Variants in OR5M10 observed in about 807,000 individuals in gnomAD.
The protein encoded by OR5M10 is olfactory receptor family 5 subfamily M member 10.
For synonymous variants in OR5M10, 149 were observed against 144.8 expected, an observed-to-expected ratio of 1.03 and a Z score of -0.21; for missense variants, 387 against 376.4, an observed-to-expected ratio of 1.03 and a Z score of -0.23.
rs752695119 is a variant in OR5M10, at chr11:56,576,865, T to C, written c.857A>G (p.Asn286Ser). The change falls in exon 1 of 1, where the codon AAC becomes AGC. Residue 286 changes from asparagine to serine, a missense_variant. Coordinates refer to ENST00000526538, the MANE Select transcript of OR5M10 (RefSeq NM_001004741.1). The part of the protein sequence containing the change: ...VFYTFLSPML[N>S]PLIYSLRNRD... Reference sequence around the variant, plus strand: ...GTTCCGTAGGCTATAGATCAATGGGTTCAGCATTGGGCTCAAAAAAGTATA... The same window carrying C: ...GTTCCGTAGGCTATAGATCAATGGGCTCAGCATTGGGCTCAAAAAAGTATA... 4 of 1,613,864 alleles carry C rather than the reference T, an allele frequency of 2.5e-6. No individual in the cohort carries two copies. In the South Asian group the frequency reaches 3.3e-5, roughly 13 times the overall value.
Position 56,576,997 on chromosome 11 carries a change from G to T in OR5M10, c.725C>A (p.Ala242Asp). The T allele has an allele frequency of 6.2e-7, 1 of 1,613,824 alleles. No homozygotes were observed. The highest frequency in any genetic ancestry group is 8.5e-7 in the Non-Finnish European group (1 of 1,179,846). ...CAAAGTGACTATTGTCAGGTGGGAAGCACACGTAGAAAAGGCTTTGTGCCT... is the reference window on the plus strand; with the variant it reads ...CAAAGTGACTATTGTCAGGTGGGAATCACACGTAGAAAAGGCTTTGTGCCT... ...EGRHKAFSTCASHLTIVTLFY... is the reference protein window; with the variant it reads ...EGRHKAFSTCDSHLTIVTLFY... The change falls in exon 1 of 1, where the codon GCT (alanine) becomes GAT (aspartate). Residue 242 changes from alanine to aspartate, a missense_variant. Coordinates refer to ENST00000526538, the MANE Select transcript of OR5M10 (RefSeq NM_001004741.1).
At position 56,577,055 on chromosome 11, in the gene OR5M10, C is replaced by T; in HGVS notation, c.667G>A (p.Ala223Thr). 1 of 1,613,756 alleles carries T rather than the reference C, an allele frequency of 6.2e-7. No homozygotes were observed. Among genetic ancestry groups the T allele is most frequent in the Admixed American group, 1.7e-5 (1 of 60,010 alleles). Residue 223 changes from alanine to threonine, a missense_variant, in exon 1 of 1, where the codon GCA (alanine) becomes ACA (threonine). Transcript: ENST00000526538. ...GCAGAACGGATCCTGAAGATCGCTG[C>T]AAAAATGAAAAGATAGGACAGAAGA... ...IILLSYLFIF[A>T]AIFRIRSAEG...
Position 56,577,159 on chromosome 11 carries a change from G to A in OR5M10, c.563C>T (p.Ala188Val). 6.2e-7 allele frequency: 1 copy of A among 1,613,868 alleles called. No individual in the cohort carries two copies. Among genetic ancestry groups the A allele is most frequent in the Non-Finnish European group, 8.5e-7 (1 of 1,179,884 alleles). Residue 188 changes from alanine to valine, a missense_variant, in exon 1 of 1, where the codon GCC (alanine) becomes GTC (valine). By Grantham distance (64) the Ala-to-Val change is moderately conservative. Coordinates refer to ENST00000526538, the MANE Select transcript of OR5M10 (RefSeq NM_001004741.1). ...CTTTTTGACACGGGTGTCAGAGCAGGCCAGCATGATAAGAGGAGGATCAGC... is the reference window on the plus strand; with the variant it reads ...CTTTTTGACACGGGTGTCAGAGCAGACCAGCATGATAAGAGGAGGATCAGC... ...YCADPPLIML[A>V]CSDTRVKKMA...
At position 56,577,453 on chromosome 11, in the gene OR5M10, T is replaced by C; in HGVS notation, c.269A>G (p.Lys90Arg). The C allele has an allele frequency of 1.2e-6, 2 of 1,613,778 alleles. No individual in the cohort carries two copies. The highest frequency in any genetic ancestry group is 2.2e-5 in the East Asian group (1 of 44,880). ...GAAGCATCCAGCGTAGGAGATGGTC[T>C]TCTGTTCTGAGAGGAAATTGTGCAG... is the stretch of plus-strand genomic sequence containing the variant. ...NMLHNFLSEQ[K>R]TISYAGCFTQ... is the part of the protein sequence containing the mutation. Residue 90 changes from lysine to arginine, a missense_variant, in exon 1 of 1, where the codon AAG becomes AGG. Transcript: ENST00000526538.
At position 56,576,819 on chromosome 11, in the gene OR5M10, T is replaced by A; in HGVS notation, c.903A>T (p.Ile301=). The change falls in exon 1 of 1, where the codon ATA becomes ATT. Residue 301 remains isoleucine, a synonymous_variant. Coordinates refer to ENST00000526538, the MANE Select transcript of OR5M10 (RefSeq NM_001004741.1). ...AGGATTTTCCCCTAATCATTTGTTG[T>A]ATGGCAAGGATTACATCTCTGTTCC... is the stretch of plus-strand genomic sequence containing the variant. ...SLRNRDVILA[I]QQMIRGKSFC... 1 of 1,612,964 alleles carries A rather than the reference T, an allele frequency of 6.2e-7. No individual in the cohort carries two copies. Among genetic ancestry groups the A allele is most frequent in the African/African-American group, 1.3e-5 (1 of 74,856 alleles).
exon 1 of OR5M10, chr11:56,577,720 ATCT>A (rs1399682150): frequency 1.1e-5 from 17 of 1,608,008 alleles, no homozygotes; most frequent in Middle Eastern, 1.6e-4. Context: ...TGGGGACAAC[ATCT>A]TCTTATTTCT....
chr11:56,576,820 AT>A lies in OR5M10; in HGVS notation c.901del (p.Ile301TyrfsTer4). ...SLRNRDVILA[I>X]QQMIRGKSFC... ...GGATTTTCCCCTAATCATTTGTTGT[AT>A]GGCAAGGATTACATCTCTGTTCCGT... On this transcript the variant is annotated frameshift_variant, in exon 1 of 1. Coordinates refer to ENST00000526538, the MANE Select transcript of OR5M10 (RefSeq NM_001004741.1). LOFTEE classifies it low-confidence loss of function (END_TRUNC). The A allele has an allele frequency of 6.2e-7, 1 of 1,612,930 alleles. No homozygotes were observed. The highest frequency in any genetic ancestry group is 8.5e-7 in the Non-Finnish European group (1 of 1,179,644).
At position 56,577,457 on chromosome 11, in the gene OR5M10, G is replaced by A; in HGVS notation, c.265C>T (p.Gln89Ter). ...CATCCAGCGTAGGAGATGGTCTTCT[G>A]TTCTGAGAGGAAATTGTGCAGCATA... ...PNMLHNFLSE[Q>*]KTISYAGCFT... Residue 89 changes from glutamine (Q) to a stop codon, truncating the protein, a stop_gained, in exon 1 of 1, where the codon CAG becomes TAG. Coordinates refer to ENST00000526538, the MANE Select transcript of OR5M10 (RefSeq NM_001004741.1). LOFTEE classifies it low-confidence loss of function (END_TRUNC). 1 of 1,613,748 alleles carries A rather than the reference G, an allele frequency of 6.2e-7. No individual in the cohort carries two copies. Among genetic ancestry groups the A allele is most frequent in the Non-Finnish European group, 8.5e-7 (1 of 1,179,772 alleles).
chr11:56,577,069 T>C lies in OR5M10; in HGVS notation c.653A>G (p.Tyr218Cys), dbSNP rs569213559. 1.7e-5 allele frequency: 28 copies of C among 1,613,740 alleles called. No individual in the cohort carries two copies. In the South Asian group the frequency reaches 2.1e-4, roughly 12 times the overall value. ...SSSLFIILLSYLFIFAAIFRI... is the reference protein window; with the variant it reads ...SSSLFIILLSCLFIFAAIFRI... ...GAAGATCGCTGCAAAAATGAAAAGA[T>C]AGGACAGAAGAATGATGAAGAGAGA... is the stretch of plus-strand genomic sequence containing the variant. Residue 218 changes from tyrosine (Y) to cysteine (C), a missense_variant, in exon 1 of 1, where the codon TAT becomes TGT. Transcript: ENST00000526538.
In OR5M10 at chr11:56,577,053, T is replaced by C. The variant is rs1296828856; in HGVS notation, c.669A>G (p.Ala223=). ...IILLSYLFIF[A]AIFRIRSAEG... Reference sequence around the variant, plus strand: ...CAGCAGAACGGATCCTGAAGATCGCTGCAAAAATGAAAAGATAGGACAGAA... The same window carrying C: ...CAGCAGAACGGATCCTGAAGATCGCCGCAAAAATGAAAAGATAGGACAGAA... The change falls in exon 1 of 1, where the codon GCA becomes GCG. Residue 223 remains alanine, a synonymous_variant. Transcript: ENST00000526538. 1.9e-6 allele frequency: 3 copies of C among 1,613,682 alleles called. No homozygotes were observed. The highest frequency in any genetic ancestry group is 4.5e-5 in the East Asian group (2 of 44,892).
In OR5M10 at chr11:56,577,569, G is replaced by T. The variant is rs1449820587; in HGVS notation, c.153C>A (p.Thr51=). The T allele has an allele frequency of 3.7e-6, 6 of 1,613,680 alleles. No homozygotes were observed. In the Admixed American group the frequency reaches 8.3e-5, roughly 22 times the overall value. Reference sequence around the variant, plus strand: ...ACATGGGTGTTTGCAGTTGGGAATTGGTCCTGATCAGCAGGATCATGCACA... The same window carrying T: ...ACATGGGTGTTTGCAGTTGGGAATTTGTCCTGATCAGCAGGATCATGCACA... ...GNLCMILLIR[T]NSQLQTPMYF... is the part of the protein sequence containing the mutation. Residue 51 remains threonine, a synonymous_variant, in exon 1 of 1, where the codon ACC becomes ACA. Transcript: ENST00000526538.
chr11:56,577,598 T>C lies in OR5M10; in HGVS notation c.124A>G (p.Asn42Asp), dbSNP rs948815385. The stretch of plus-strand genomic sequence containing the variant: ...CTGATCAGCAGGATCATGCACAGGT[T>C]GCCTGCCAGTGTGATTAGGTAGATC... ...LAIYLITLAGNLCMILLIRTN... is the reference protein window; with the variant it reads ...LAIYLITLAGDLCMILLIRTN... The change falls in exon 1 of 1, where the codon AAC becomes GAC. Residue 42 changes from asparagine to aspartate, a missense_variant. By Grantham distance (23) the Asn-to-Asp change is conservative. Coordinates refer to ENST00000526538, the MANE Select transcript of OR5M10 (RefSeq NM_001004741.1). 3 of 1,613,664 alleles carry C rather than the reference T, an allele frequency of 1.9e-6. No homozygotes were observed. Among genetic ancestry groups the C allele is most frequent in the Non-Finnish European group, 2.5e-6 (3 of 1,179,728 alleles).
chr11:56,577,440 G>A lies in OR5M10; in HGVS notation c.282C>T (p.Tyr94=), dbSNP rs375793121. The change falls in exon 1 of 1, where the codon TAC becomes TAT. Residue 94 remains tyrosine (Y), a synonymous_variant. Transcript: ENST00000526538. ...NFLSEQKTIS[Y]AGCFTQCLLF... ...GAAGACACTGTGTGAAGCATCCAGC[G>A]TAGGAGATGGTCTTCTGTTCTGAGA... 77 of 1,613,828 alleles carry A rather than the reference G, an allele frequency of 4.8e-5. No homozygotes were observed. Among genetic ancestry groups the A allele is most frequent in the East Asian group, 2.9e-4 (13 of 44,886 alleles).
rs775507655 is a variant in OR5M10, at chr11:56,577,054, G to A, written c.668C>T (p.Ala223Val). 1.6e-5 allele frequency: 26 copies of A among 1,613,730 alleles called. No homozygotes were observed. The highest frequency in any genetic ancestry group is 2.2e-5 in the Non-Finnish European group (26 of 1,179,868). Residue 223 changes from alanine to valine, a missense_variant, in exon 1 of 1, where the codon GCA becomes GTA. Transcript: ENST00000526538. ...AGCAGAACGGATCCTGAAGATCGCTGCAAAAATGAAAAGATAGGACAGAAG... is the reference window on the plus strand; with the variant it reads ...AGCAGAACGGATCCTGAAGATCGCTACAAAAATGAAAAGATAGGACAGAAG... ...IILLSYLFIFAAIFRIRSAEG... is the reference protein window; with the variant it reads ...IILLSYLFIFVAIFRIRSAEG...
chr11:56,576,790 C>T lies in OR5M10; in HGVS notation c.932G>A (p.Cys311Tyr), dbSNP rs754935666. 13 of 1,608,766 alleles carry T rather than the reference C, an allele frequency of 8.1e-6. No individual in the cohort carries two copies. Among genetic ancestry groups the T allele is most frequent in the South Asian group, 3.3e-5 (3 of 90,132 alleles). Residue 311 changes from cysteine (C) to tyrosine (Y), a missense_variant, in exon 1 of 1, where the codon TGT (cysteine) becomes TAT (tyrosine). Physicochemically the swap from Cys to Tyr is radical, Grantham distance 194 (BLOSUM62 -2). Coordinates refer to ENST00000526538, the MANE Select transcript of OR5M10 (RefSeq NM_001004741.1). ...AACACAGGCCTAAACTGCAATTTTA[C>T]AAAAGGATTTTCCCCTAATCATTTG... The part of the protein sequence containing the change: ...IQQMIRGKSF[C>Y]KIAV
In OR5M10 at chr11:56,577,624, G is replaced by T. The variant is rs182443406; in HGVS notation, c.98C>A (p.Ala33Glu). The T allele has an allele frequency of 3.0e-4, 478 of 1,613,566 alleles. 5 individuals carry two copies. The African/African-American group carries it at 5.8e-3, about 19-fold the overall frequency. Residue 33 changes from alanine to glutamate, a missense_variant, in exon 1 of 1, where the codon GCG becomes GAG. Ala to Glu is a moderately radical substitution (Grantham distance 107). Transcript: ENST00000526538. ...GCCTGCCAGTGTGATTAGGTAGATC[G>T]CCAGGAACACCCCAAACAGGATCTT... Reference protein sequence around the residue: ...LEKILFGVFLAIYLITLAGNL... With the variant: ...LEKILFGVFLEIYLITLAGNL...
rs370177204 is a variant in OR5M10, at chr11:56,577,329, A to G, written c.393T>C (p.His131=). ...DRYVAICSPL[H]YSSRMSKNIC... ...TGTTCTTGGACATCCTGGAACTGTA[A>G]TGTAAAGGGCTGCAAATGGCTACAT... Residue 131 remains histidine, a synonymous_variant, in exon 1 of 1, where the codon CAT becomes CAC. Transcript: ENST00000526538. The G allele has an allele frequency of 1.7e-5, 28 of 1,613,754 alleles. No individual in the cohort carries two copies. The African/African-American group carries it at 2.0e-4, about 12-fold the overall frequency.
chr11:56,577,564 G>T lies in OR5M10; in HGVS notation c.158C>A (p.Ser53Tyr). The change falls in exon 1 of 1, where the codon TCC becomes TAC. Residue 53 changes from serine to tyrosine, a missense_variant. Ser to Tyr is a moderately radical substitution (Grantham distance 144). Coordinates refer to ENST00000526538, the MANE Select transcript of OR5M10 (RefSeq NM_001004741.1). ...GAAATACATGGGTGTTTGCAGTTGG[G>T]AATTGGTCCTGATCAGCAGGATCAT... ...LCMILLIRTN[S>Y]QLQTPMYFFL... 1 of 1,613,670 alleles carries T rather than the reference G, an allele frequency of 6.2e-7. No homozygotes were observed. The highest frequency in any genetic ancestry group is 1.1e-5 in the South Asian group (1 of 91,078).
chr11:56,577,622 T>G lies in OR5M10; in HGVS notation c.100A>C (p.Ile34Leu), dbSNP rs1003471730. Reference sequence around the variant, plus strand: ...TTGCCTGCCAGTGTGATTAGGTAGATCGCCAGGAACACCCCAAACAGGATC... The same window carrying G: ...TTGCCTGCCAGTGTGATTAGGTAGAGCGCCAGGAACACCCCAAACAGGATC... Reference protein sequence around the residue: ...EKILFGVFLAIYLITLAGNLC... With the variant: ...EKILFGVFLALYLITLAGNLC... The change falls in exon 1 of 1, where the codon ATC (isoleucine) becomes CTC (leucine). Residue 34 changes from isoleucine to leucine, a missense_variant. Physicochemically the swap from Ile to Leu is conservative, Grantham distance 5 (BLOSUM62 2). Coordinates refer to ENST00000526538, the MANE Select transcript of OR5M10 (RefSeq NM_001004741.1). 1.2e-6 allele frequency: 2 copies of G among 1,613,648 alleles called. No homozygotes were observed. Among genetic ancestry groups the G allele is most frequent in the African/African-American group, 2.7e-5 (2 of 74,906 alleles).
Sources: gnomAD v4.1 joint callset for allele counts on GRCh38, gnomAD v4.1.1 for gene constraint, MANE v1.5 for transcripts, NCBI Gene and HGNC (gene_info 2026-07-23, HGNC 2026-07-21) for gene names.